The following STAU2 variants were observed in gnomAD, a reference collection of about 807,000 sequenced individuals.
The protein encoded by STAU2 is staufen double-stranded RNA binding protein 2.
A neutral mutation model predicts 65.9 loss-of-function variants in STAU2; 20 were observed. That is an observed-to-expected ratio of 0.30 (90% CI 0.21 to 0.44). STAU2 has a LOEUF of 0.44. Among genes scored for constraint, STAU2 ranks in the 20% least tolerant of loss-of-function variants. STAU2 has a pLI of 1.00. For synonymous variants in STAU2, 232 were observed against 233.9 expected (o/e 0.99, Z 0.07); for missense variants, 558 against 683.9 (o/e 0.82, Z 2.05).
upstream of STAU2, chr8:73,747,329 C>T: frequency 5.9e-6 from 9 of 1,523,352 alleles, no homozygotes; most frequent in Non-Finnish European, 7.9e-6. Context: ...CCTTCCCCGC[C>T]CGACTGACCG....
At chr8:73,734,932 T>C (rs1251395284) in intron 3 of STAU2, among the ~76,000 whole-genome samples, 1 of 152,032 alleles carries the variant, frequency 6.6e-6, no homozygotes, top group Non-Finnish European at 1.5e-5. Context: ...AAGCTGAGAA[T>C]CAACTTAAAT....
chr8:73,704,646 T>C (rs1029334165), intron 4 of STAU2, among the ~76,000 whole-genome samples: 1 of 152,208 alleles, frequency 6.6e-6, no homozygotes, highest in Non-Finnish European at 1.5e-5. Flanking sequence ...CTATTTCAAA[T>C]TTTTCATAAT....
At chr8:73,582,967 G>C in intron 11 of STAU2, 137 bp from the exon 12 acceptor site, 1 of 671,046 alleles carries the variant, frequency 1.5e-6, no homozygotes, top group Non-Finnish European at 2.5e-6. Flanking sequence ...TTGACCCTGG[G>C]ATGATGGCTA....
At chr8:73,547,909 G>C (rs1807047324) in intron 13 of STAU2, among the ~76,000 whole-genome samples, 1 of 150,368 alleles carries the variant, frequency 6.7e-6, no homozygotes, top group South Asian at 2.1e-4. Context: ...AAAAAGAATT[G>C]AAAAAAAACC....
intron 13 of STAU2, among the ~76,000 whole-genome samples, chr8:73,423,785 T>C (rs1471655064): frequency 1.3e-5 from 2 of 152,198 alleles, no homozygotes; most frequent in African/African-American, 2.4e-5. Flanking sequence ...CTTGGGCAGG[T>C]AGTACACAGA....
intron 5 of STAU2, among the ~76,000 whole-genome samples, chr8:73,677,100 C>G (rs534376184): frequency 6.6e-6 from 1 of 152,096 alleles, no homozygotes; most frequent in Non-Finnish European, 1.5e-5. Context: ...CAGAGCCTAG[C>G]CTAATGCCAA....
intron 11 of STAU2, among the ~76,000 whole-genome samples, chr8:73,591,385 T>C (rs915984016): frequency 1.1e-4 from 17 of 152,070 alleles, no homozygotes; most frequent in Non-Finnish European, 1.6e-4. Context: ...CTCAATAACT[T>C]CAGTAAGTGC....
chr8:73,744,823 G>A (rs1390103460), intron 1 of STAU2, among the ~76,000 whole-genome samples: 1 of 152,144 alleles, frequency 6.6e-6, no homozygotes, highest in East Asian at 1.9e-4. Flanking sequence ...ATGTTAACAG[G>A]TGAATCTGAA....
chr8:73,687,603 A>G (rs891681196), intron 5 of STAU2, among the ~76,000 whole-genome samples: 1 of 150,242 alleles, frequency 6.7e-6, no homozygotes, highest in African/African-American at 2.4e-5. Context: ...AGGTCTTGCT[A>G]TATTGCCCAG....
intron 13 of STAU2, among the ~76,000 whole-genome samples, chr8:73,512,218 T>G (rs117825158): frequency 1.4e-4 from 22 of 152,318 alleles, no homozygotes; most frequent in Non-Finnish European, 3.1e-4. Context: ...CAAAACTGTT[T>G]TAGCGATTCT....
chr8:73,603,801 G>A lies in STAU2; in HGVS notation c.954C>T (p.Ala318=). ...CATAATCCGGCTCCTTTTCCTTTTTGGCCTGTTGAATTTGCGCCAGGCGGC... is the reference window on the plus strand; with the variant it reads ...CATAATCCGGCTCCTTTTCCTTTTTAGCCTGTTGAATTTGCGCCAGGCGGC... ...PISRLAQIQQ[A]KKEKEPDYVL... is the part of the protein sequence containing the mutation. The change falls in exon 10 of 15, where the codon GCC becomes GCT. Residue 318 remains alanine (A), a synonymous_variant. Transcript: ENST00000524300. 1.2e-6 allele frequency: 2 copies of A among 1,611,574 alleles called. No homozygotes were observed. The highest frequency in any genetic ancestry group is 2.2e-5 in the South Asian group (2 of 90,854).
intron 13 of STAU2, among the ~76,000 whole-genome samples, chr8:73,429,413 C>CTTATTTTTTT (rs1817086805): frequency 1.5e-5 from 1 of 65,312 alleles, no homozygotes; most frequent in Admixed American, 1.6e-4. Flanking sequence ...TTGCTCAGGT[C>CTTATTTTTTT]TTTTTTTTTT....
At chr8:73,727,439 T>C (rs1374933401) in intron 3 of STAU2, among the ~76,000 whole-genome samples, 1 of 152,208 alleles carries the variant, frequency 6.6e-6, no homozygotes, top group Admixed American at 6.5e-5. Context: ...AGATTACCTA[T>C]TGTGGATATT....
intron 13 of STAU2, among the ~76,000 whole-genome samples, chr8:73,477,758 C>T (rs974588525): frequency 3.3e-5 from 5 of 152,106 alleles, no homozygotes; most frequent in African/African-American, 1.2e-4. Context: ...AAAATGCAAC[C>T]TGGACTGTCT....
intron 12 of STAU2, among the ~76,000 whole-genome samples, chr8:73,554,595 A>G (rs1807583762): frequency 6.6e-6 from 1 of 152,160 alleles, no homozygotes; most frequent in Non-Finnish European, 1.5e-5. Flanking sequence ...CCTGCCAATT[A>G]AGATCTGGCT....
At chr8:73,550,503 T>C (rs1807256697) in intron 13 of STAU2, 3 of 986,382 alleles carry the variant, frequency 3.0e-6, no homozygotes, top group African/African-American at 3.5e-5. Flanking sequence ...GCAGTGTTAC[T>C]CTCAGACATT....
At chr8:73,717,532 C>A (rs1431852171) in intron 3 of STAU2, among the ~76,000 whole-genome samples, 2 of 152,166 alleles carry the variant, frequency 1.3e-5, no homozygotes, top group Non-Finnish European at 2.9e-5. Context: ...CACTACATTG[C>A]CTTTATGTCT....
At chr8:73,704,939 T>C (rs1820400165) in intron 4 of STAU2, among the ~76,000 whole-genome samples, 1 of 152,158 alleles carries the variant, frequency 6.6e-6, no homozygotes, top group South Asian at 2.1e-4. Context: ...AGTGCTGGGA[T>C]TACAGGCAAA....
At chr8:73,741,876 T>C (rs1394689526) in intron 1 of STAU2, among the ~76,000 whole-genome samples, 2 of 152,226 alleles carry the variant, frequency 1.3e-5, no homozygotes, top group African/African-American at 4.8e-5. Context: ...TAAAACTTTA[T>C]GAACATAAAA....
Sources: allele counts gnomAD v4.1 joint callset (sites outside exome capture counted in the v4.1 genomes callset), GRCh38; gene constraint gnomAD v4.1.1; transcripts MANE v1.5; gene names NCBI Gene and HGNC (gene_info 2026-07-23, HGNC 2026-07-21).